Variants in ATP10A observed in about 807,000 individuals in gnomAD.
The protein encoded by ATP10A is phospholipid-transporting ATPase VA.
Under a neutral mutation model 147.8 loss-of-function variants are expected in ATP10A, and 111 were observed. The ratio of observed to expected loss-of-function variants is 0.75; its 90% CI spans 0.64 to 0.88. ATP10A has a LOEUF of 0.88. Among genes scored for constraint, ATP10A ranks in the 40% least tolerant of loss-of-function variants. The pLI, the probability that ATP10A is intolerant of heterozygous loss-of-function variation, is 0.00. For synonymous variants in ATP10A, 875 were observed against 841.6 expected (o/e 1.04, Z -0.69); for missense variants, 1,927 against 1,959.0 (o/e 0.98, Z 0.31).
At chr15:25,798,552 G>C (rs1404957694) in intron 1 of ATP10A, among the ~76,000 whole-genome samples, 1 of 152,204 alleles carries the variant, frequency 6.6e-6, no homozygotes, top group Non-Finnish European at 1.5e-5. Context: ...AATAGCTCCT[G>C]GGGGCTTAGA....
At chr15:25,686,218 A>G (rs1284747539) in intron 16 of ATP10A, among the ~76,000 whole-genome samples, 1 of 152,156 alleles carries the variant, frequency 6.6e-6, no homozygotes, top group East Asian at 1.9e-4. Context: ...GTGAAGGGGA[A>G]AGAGAGGTTG....
intron 1 of ATP10A, among the ~76,000 whole-genome samples, chr15:25,801,750 C>T (rs1328629525): frequency 6.6e-6 from 1 of 152,208 alleles, no homozygotes; most frequent in Non-Finnish European, 1.5e-5. Context: ...CACTGCTGGG[C>T]AGGAATGGCA....
chr15:25,689,680 T>C lies in ATP10A; in HGVS notation c.3166-1852A>G, dbSNP rs79534862. Among the ~76,000 whole-genome samples the C allele has an allele frequency of 5.9e-3, 905 of 152,326 alleles. 17 individuals carry two copies. Among genetic ancestry groups the C allele is most frequent in the African/African-American group, 0.021 (864 of 41,582 alleles). ...CATCCCCAGGGAGGATGCACAGCTT[T>C]ACATATGTGCAGAAGTGCCCAGCAA... On this transcript the variant is annotated intron_variant, in intron 15 of 20. Transcript: ENST00000555815.
rs534998153 is a variant in ATP10A, at chr15:25,702,033, C to T, written c.2643G>A (p.Ala881=). The T allele has an allele frequency of 2.5e-5, 41 of 1,614,164 alleles. No individual in the cohort carries two copies. The East Asian group carries it at 3.6e-4, about 14-fold the overall frequency. ...CAGTGAGAACCCAAATCTGCAGGCC[C>T]GCTTGACGCAATTTAGAAATAGTTT... is the stretch of plus-strand genomic sequence containing the variant. The part of the protein sequence containing the change: ...VPETISKLRQ[A]GLQIWVLTGD... Residue 881 remains alanine (A), a synonymous_variant, in exon 13 of 21, where the codon GCG becomes GCA. Transcript: ENST00000555815.
intron 3 of ATP10A, 134 bp downstream of exon 3, chr15:25,735,922 G>C: frequency 1.2e-6 from 1 of 805,430 alleles, no homozygotes; most frequent in South Asian, 1.5e-5. Context: ...CTCAGGTGCT[G>C]GGCCACATTC....
At chr15:25,703,926 T>G (rs1182122808) in intron 12 of ATP10A, among the ~76,000 whole-genome samples, 1 of 152,250 alleles carries the variant, frequency 6.6e-6, no homozygotes, top group Non-Finnish European at 1.5e-5. Flanking sequence ...CACACTGCTC[T>G]GAACCTTATA....
chr15:25,793,650 A>G (rs904410892), intron 1 of ATP10A, among the ~76,000 whole-genome samples: 1 of 152,222 alleles, frequency 6.6e-6, no homozygotes, highest in African/African-American at 2.4e-5. Context: ...TTTGGTTAGC[A>G]TAGCATGCTT....
intron 7 of ATP10A, among the ~76,000 whole-genome samples, chr15:25,721,242 G>A (rs1444025721): frequency 9.8e-5 from 15 of 152,288 alleles, no homozygotes; most frequent in East Asian, 7.7e-4. Flanking sequence ...GGAAGAGAAC[G>A]AAACATGAAT....
At chr15:25,776,494 A>G (rs1413022054) in intron 2 of ATP10A, among the ~76,000 whole-genome samples, 2 of 152,268 alleles carry the variant, frequency 1.3e-5, no homozygotes. Flanking sequence ...GAGATACAGT[A>G]GGCCTGGCGT....
chr15:25,794,048 C>T (rs560731100), intron 1 of ATP10A, among the ~76,000 whole-genome samples: 2 of 152,294 alleles, frequency 1.3e-5, no homozygotes, highest in Admixed American at 6.5e-5. Flanking sequence ...TCCCCAGAGT[C>T]CCCTGATTCC....
At chr15:25,784,079 G>T (rs529452229) in intron 1 of ATP10A, among the ~76,000 whole-genome samples, 19 of 152,352 alleles carry the variant, frequency 1.2e-4, no homozygotes, top group Admixed American at 9.8e-4. Flanking sequence ...GTCAAGCCTT[G>T]ACTTCATGTC....
intron 2 of ATP10A, among the ~76,000 whole-genome samples, chr15:25,762,533 G>C (rs893422522): frequency 3.3e-5 from 5 of 152,090 alleles, no homozygotes. Context: ...CTCCCGTCTT[G>C]GCCTCCCAAA....
intron 2 of ATP10A, among the ~76,000 whole-genome samples, chr15:25,758,871 A>G (rs1211411687): frequency 6.7e-6 from 1 of 148,774 alleles, no homozygotes; most frequent in Non-Finnish European, 1.5e-5. Flanking sequence ...CCTCATTCCG[A>G]CCACCTGCTC....
intron 2 of ATP10A, among the ~76,000 whole-genome samples, chr15:25,744,950 C>G (rs186633023): frequency 1.8e-4 from 27 of 152,270 alleles, no homozygotes; most frequent in African/African-American, 6.5e-4. Flanking sequence ...GATGCAAGAA[C>G]TTTTAAATAG....
chr15:25,831,803 G>A (rs1480567177), intron 1 of ATP10A, among the ~76,000 whole-genome samples: 5 of 152,154 alleles, frequency 3.3e-5, no homozygotes, highest in Non-Finnish European at 4.4e-5. Context: ...CATTATTCAT[G>A]AGCAAAATGG....
chr15:25,723,815 T>C (rs1369137539), intron 6 of ATP10A, 76 bp downstream of exon 6: 57 of 1,310,756 alleles, frequency 4.3e-5, no homozygotes, highest in Non-Finnish European at 5.2e-5. Context: ...TATAGGAAAT[T>C]CTGAACAGAG....
At chr15:25,778,916 A>G (rs1440654569) in intron 2 of ATP10A, among the ~76,000 whole-genome samples, 1 of 152,084 alleles carries the variant, frequency 6.6e-6, no homozygotes, top group Admixed American at 6.6e-5. Flanking sequence ...TCGCTCTGTC[A>G]CCCAGGCTGG....
chr15:25,787,247 T>G (rs950091983), intron 1 of ATP10A, among the ~76,000 whole-genome samples: 1 of 152,076 alleles, frequency 6.6e-6, no homozygotes, highest in Non-Finnish European at 1.5e-5. Context: ...GCAAAAAAGT[T>G]CTTCCATTTT....
intron 1 of ATP10A, among the ~76,000 whole-genome samples, chr15:25,785,242 G>A (rs910195450): frequency 1.3e-5 from 2 of 152,042 alleles, no homozygotes; most frequent in African/African-American, 4.8e-5. Flanking sequence ...GCTCTAAAGA[G>A]GATTAAAGTT....
Sources: gnomAD v4.1 joint callset for allele counts (sites outside exome capture counted in the v4.1 genomes callset) on GRCh38, gnomAD v4.1.1 for gene constraint, MANE v1.5 for transcripts, NCBI Gene and HGNC (gene_info 2026-07-23, HGNC 2026-07-21) for gene names.